Variants in HDAC9 observed in about 807,000 individuals in gnomAD.
HDAC9 encodes the protein MEF-2 interacting transcription repressor (MITR) protein.
HDAC9 carries 41 observed loss-of-function variants against 139.4 expected under a neutral mutation model. The ratio of observed to expected loss-of-function variants is 0.29; its 90% confidence interval spans 0.23 to 0.38. The LOEUF (loss-of-function observed/expected upper bound fraction) is 0.38, where lower values mean the gene tolerates loss of function less well. Among genes scored for constraint, HDAC9 ranks in the 10% least tolerant of loss-of-function variants. The probability of loss-of-function intolerance (pLI) is 1.00; values close to 1 mark genes in which losing one functional copy is unlikely to be tolerated. For missense variants in HDAC9, 1,147 were observed against 1,297.0 expected (o/e 0.88, Z 1.78); for synonymous variants, 517 against 476.2 (o/e 1.09, Z -1.12).
At chr7:18,106,653 C>T (rs1053531420) in intron 1 of HDAC9, among the ~76,000 whole-genome samples, 2 of 152,112 alleles carry the variant, frequency 1.3e-5, no homozygotes, top group African/African-American at 4.8e-5. Flanking sequence ...GGGGTTTCAC[C>T]ATGTTAGCCA....
chr7:18,707,243 A>G (rs1252056211), intron 12 of HDAC9, among the ~76,000 whole-genome samples: 4 of 152,236 alleles, frequency 2.6e-5, no homozygotes, highest in Admixed American at 2.6e-4. Flanking sequence ...GCTGAGTGAG[A>G]TAAACACAGA....
intron 1 of HDAC9, among the ~76,000 whole-genome samples, chr7:18,347,531 TTCAGTTA>T (rs1351961311): frequency 2.0e-5 from 3 of 152,220 alleles, no homozygotes; most frequent in African/African-American, 7.2e-5. Context: ...TTTATTCCTA[TTCAGTTA>T]AACAAAGGGA....
chr7:18,274,983 G>C (rs1206018616), intron 2 of HDAC9, among the ~76,000 whole-genome samples: 3 of 152,162 alleles, frequency 2.0e-5, no homozygotes, highest in Non-Finnish European at 2.9e-5. Context: ...CCATTTACGT[G>C]ACAGTAGCCC....
At chr7:18,739,136 C>G (rs1407976230) in intron 13 of HDAC9, among the ~76,000 whole-genome samples, 1 of 152,200 alleles carries the variant, frequency 6.6e-6, no homozygotes, top group Non-Finnish European at 1.5e-5. Context: ...CTTCTCTACA[C>G]TGTTTATTCT....
intron 3 of HDAC9, among the ~76,000 whole-genome samples, chr7:18,586,669 A>G (rs1195693425): frequency 4.6e-5 from 7 of 152,178 alleles, no homozygotes; most frequent in Admixed American, 2.6e-4. Context: ...AAAGAACTTT[A>G]TTATCGTATA....
At chr7:18,234,847 G>C (rs1451550076) in intron 2 of HDAC9, among the ~76,000 whole-genome samples, 1 of 152,192 alleles carries the variant, frequency 6.6e-6, no homozygotes, top group Non-Finnish European at 1.5e-5. Context: ...TGAATTCAGG[G>C]GAGGCACACC....
chr7:18,273,927 A>G (rs979755529), intron 2 of HDAC9, among the ~76,000 whole-genome samples: 6 of 152,200 alleles, frequency 3.9e-5, no homozygotes, highest in African/African-American at 1.2e-4. Flanking sequence ...GTGAAGTTCA[A>G]TGTCACCAGG....
At chr7:18,779,326 G>A (rs1479369630) in intron 16 of HDAC9, among the ~76,000 whole-genome samples, 1 of 152,058 alleles carries the variant, frequency 6.6e-6, no homozygotes, top group Non-Finnish European at 1.5e-5. Flanking sequence ...CTGGCATGTT[G>A]TATCACAAGG....
intron 17 of HDAC9, among the ~76,000 whole-genome samples, chr7:18,795,696 A>G (rs1792739630): frequency 6.6e-6 from 1 of 152,198 alleles, no homozygotes; most frequent in Non-Finnish European, 1.5e-5. Flanking sequence ...GGGTAAGGCT[A>G]CAGAGATGCC....
At chr7:18,223,092 G>C (rs545883168) in intron 2 of HDAC9, among the ~76,000 whole-genome samples, 61 of 152,218 alleles carry the variant, frequency 4.0e-4, no homozygotes, top group African/African-American at 1.4e-3. Context: ...GATTATTAGT[G>C]TAGTTGAGAA....
At chr7:18,392,084 T>C (rs1299812683) in intron 1 of HDAC9, among the ~76,000 whole-genome samples, 2 of 152,172 alleles carry the variant, frequency 1.3e-5, no homozygotes, top group Non-Finnish European at 2.9e-5. Flanking sequence ...GAGAGAAGTT[T>C]TGAGTCACAC....
chr7:18,187,901 G>C (rs2128146808), intron 2 of HDAC9, among the ~76,000 whole-genome samples: 1 of 152,252 alleles, frequency 6.6e-6, no homozygotes, highest in East Asian at 1.9e-4. Flanking sequence ...TCCCAGGCTT[G>C]TCTGATAAGA....
At chr7:18,324,837 A>G (rs780260295) in intron 1 of HDAC9, among the ~76,000 whole-genome samples, 3 of 152,194 alleles carry the variant, frequency 2.0e-5, no homozygotes, top group Non-Finnish European at 4.4e-5. Flanking sequence ...AATGCAGGGT[A>G]TAATGTGATA....
At chr7:18,205,655 T>C (rs1278671417) in intron 2 of HDAC9, among the ~76,000 whole-genome samples, 1 of 152,110 alleles carries the variant, frequency 6.6e-6, no homozygotes, top group Non-Finnish European at 1.5e-5. Flanking sequence ...CTTAGAAAAA[T>C]TTGATTTTTT....
intron 1 of HDAC9, among the ~76,000 whole-genome samples, chr7:18,103,077 A>G (rs2128073162): frequency 6.6e-6 from 1 of 152,296 alleles, no homozygotes; most frequent in South Asian, 2.1e-4. Context: ...TCATGGTGGA[A>G]GGCAAAGGAG....
At chr7:18,612,167 T>C (rs1837340481) in intron 6 of HDAC9, among the ~76,000 whole-genome samples, 1 of 152,048 alleles carries the variant, frequency 6.6e-6, no homozygotes, top group Non-Finnish European at 1.5e-5. Context: ...CCATAAATAA[T>C]AGACATACTT....
intron 2 of HDAC9, among the ~76,000 whole-genome samples, chr7:18,576,266 G>A (rs1187182401): frequency 6.6e-6 from 1 of 152,182 alleles, no homozygotes; most frequent in Non-Finnish European, 1.5e-5. Context: ...AGCCATGTTA[G>A]AGACGGAGGC....
chr7:18,759,674 C>T (rs963556672), intron 14 of HDAC9, among the ~76,000 whole-genome samples: 1 of 152,126 alleles, frequency 6.6e-6, no homozygotes, highest in African/African-American at 2.4e-5. Context: ...TTGTCTTCCA[C>T]GAAACTGGTC....
intron 1 of HDAC9, among the ~76,000 whole-genome samples, chr7:18,419,428 A>G (rs1789408054): frequency 6.6e-6 from 1 of 152,202 alleles, no homozygotes; most frequent in African/African-American, 2.4e-5. Flanking sequence ...AAAGCCATAT[A>G]TGAGACCCCC....
Sources: gnomAD v4.1 joint callset for allele counts (sites outside exome capture counted in the v4.1 genomes callset) on GRCh38, gnomAD v4.1.1 for gene constraint, MANE v1.5 for transcripts, NCBI Gene and HGNC (gene_info 2026-07-23, HGNC 2026-07-21) for gene names.